NEO1: variants seen among roughly 807,000 people sequenced by gnomAD.
The protein encoded by NEO1 is neogenin.
A neutral mutation model predicts 159.7 loss-of-function variants in NEO1; 63 were observed. That is an observed-to-expected ratio of 0.39 (90% CI 0.32 to 0.49). The LOEUF is 0.49. Among genes scored for constraint, NEO1 ranks in the 20% least tolerant of loss-of-function variants. The pLI is 0.85. For synonymous variants in NEO1, 633 were observed against 662.0 expected, an observed-to-expected ratio of 0.96 and a Z score of 0.67; for missense variants, 1,615 against 1,831.0, an observed-to-expected ratio of 0.88 and a Z score of 2.15.
At chr15:73,235,425 G>A (rs2039117912) in intron 7 of NEO1, among the ~76,000 whole-genome samples, 1 of 152,162 alleles carries the variant, frequency 6.6e-6, no homozygotes, top group Non-Finnish European at 1.5e-5. Flanking sequence ...TTTTTCATCA[G>A]TAGCATGGGC....
chr15:73,294,019 C>T (rs1162671656), intron 26 of NEO1, among the ~76,000 whole-genome samples: 3 of 152,164 alleles, frequency 2.0e-5, no homozygotes, highest in Non-Finnish European at 4.4e-5. Context: ...GCAGTGGGGC[C>T]ACCAGCCACG....
chr15:73,290,570 T>A (rs2042127686), intron 25 of NEO1, among the ~76,000 whole-genome samples: 1 of 152,242 alleles, frequency 6.6e-6, no homozygotes, highest in Admixed American at 6.5e-5. Flanking sequence ...TCATTCTTGA[T>A]TCGTGCCTCA....
At chr15:73,178,656 A>G (rs1014264929) in intron 7 of NEO1, among the ~76,000 whole-genome samples, 1 of 152,246 alleles carries the variant, frequency 6.6e-6, no homozygotes, top group Admixed American at 6.5e-5. Flanking sequence ...AAAACTGAAT[A>G]TTATAGTCTT....
At chr15:73,057,345 T>C (rs1254216601) in intron 1 of NEO1, among the ~76,000 whole-genome samples, 2 of 152,172 alleles carry the variant, frequency 1.3e-5, no homozygotes, top group Non-Finnish European at 2.9e-5. Flanking sequence ...TAAATCTCAT[T>C]ATATGGAGGC....
chr15:73,291,976 A>G (rs1247040343), intron 25 of NEO1, among the ~76,000 whole-genome samples: 4 of 152,120 alleles, frequency 2.6e-5, no homozygotes, highest in Non-Finnish European at 5.9e-5. Flanking sequence ...CTTCCCCTAG[A>G]GTTGCTGACT....
At chr15:73,227,823 A>G (rs2038677648) in intron 7 of NEO1, among the ~76,000 whole-genome samples, 1 of 152,224 alleles carries the variant, frequency 6.6e-6, no homozygotes, top group Non-Finnish European at 1.5e-5. Flanking sequence ...TAAGTAACCA[A>G]GCAAATCAAG....
At chr15:73,165,091 CA>C (rs2034477462) in intron 5 of NEO1, among the ~76,000 whole-genome samples, 2 of 138,954 alleles carry the variant, frequency 1.4e-5, no homozygotes, top group African/African-American at 5.1e-5. Flanking sequence ...CATGCCTGGC[CA>C]ATTTTTTTTT....
intron 26 of NEO1, among the ~76,000 whole-genome samples, chr15:73,298,075 T>A (rs1016757495): frequency 6.6e-6 from 1 of 152,226 alleles, no homozygotes; most frequent in African/African-American, 2.4e-5. Flanking sequence ...CCTTTACAAG[T>A]GCTTCATAAT....
rs1024755991 is a variant in NEO1, at chr15:73,257,427, T to C, written c.2093-1339T>C. Among the ~76,000 whole-genome samples the C allele has an allele frequency of 3.3e-5, 5 of 152,312 alleles. No individual in the cohort carries two copies. The South Asian group carries it at 6.2e-4, about 19-fold the overall frequency. ...ATCATATCTGGATTTATTCATTTAA[T>C]AGATTTCATTGAACTTTTGTTGGCA... On this transcript the variant is annotated intron_variant, in intron 13 of 28. Coordinates refer to ENST00000261908, the MANE Select transcript of NEO1 (RefSeq NM_002499.4).
rs115233830 is a variant in NEO1 at position 73,212,026 on chromosome 15, C to T, written c.1292-24321C>T. Among the ~76,000 whole-genome samples the T allele has an allele frequency of 8.6e-3, 1,305 of 152,212 alleles. 23 individuals are homozygous for T. Among genetic ancestry groups the T allele is most frequent in the African/African-American group, 0.03 (1,233 of 41,530 alleles). On this transcript the variant is annotated intron_variant, in intron 7 of 28. Transcript: ENST00000261908. The stretch of plus-strand genomic sequence containing the variant: ...GGAGGAATACCACAGAAGTGATGTA[C>T]CCTTTTCAATACATTCGTATCGGGG...
At chr15:73,051,703 A>T (rs537571075), upstream of NEO1, 1 of 151,570 alleles carries the variant, frequency 6.6e-6, no homozygotes, top group South Asian at 2.1e-4. Flanking sequence ...CCGGCTTGGG[A>T]GCCGGAGGTC....
At position 73,252,049 on chromosome 15, in the gene NEO1, C is replaced by G. The variant is rs183736211; in HGVS notation, c.1895-1351C>G. Among the ~76,000 whole-genome samples the G allele has an allele frequency of 4.2e-3, 641 of 152,246 alleles. 2 individuals carry two copies. Among genetic ancestry groups the G allele is most frequent in the Non-Finnish European group, 3.6e-3 (243 of 68,012 alleles). On this transcript the variant is annotated intron_variant, in intron 11 of 28. Transcript: ENST00000261908. ...ACTGGAATCATTAATGTAATTTTTT[C>G]AAAACACATGTGCCTGGGTCCTACT...
intron 2 of NEO1, among the ~76,000 whole-genome samples, chr15:73,118,232 A>G (rs2071433467): frequency 6.6e-6 from 1 of 151,766 alleles, no homozygotes; most frequent in Admixed American, 6.6e-5. Flanking sequence ...ACAGCCTTAT[A>G]AGCATCTGCC....
chr15:73,301,307 C>T lies in NEO1; in HGVS notation c.4166-14C>T. On this transcript the variant is annotated splice_polypyrimidine_tract_variant and intron_variant, in intron 27 of 28. Coordinates refer to ENST00000261908, the MANE Select transcript of NEO1 (RefSeq NM_002499.4). ...AGGCTTGGCCACATATCTGATGGTG[C>T]CCTTTCCCCTCAGCTCTGAACCATC... is the stretch of plus-strand genomic sequence containing the variant. 6.2e-7 allele frequency: 1 copy of T among 1,614,084 alleles called. No individual in the cohort carries two copies. The highest frequency in any genetic ancestry group is 8.5e-7 in the Non-Finnish European group (1 of 1,179,986).
intron 5 of NEO1, among the ~76,000 whole-genome samples, chr15:73,161,316 A>T (rs2034161251): frequency 6.6e-6 from 1 of 152,150 alleles, no homozygotes; most frequent in African/African-American, 2.4e-5. Context: ...ATTCTTTCCA[A>T]GTGATTACAG....
chr15:73,114,125 G>A (rs2071158589), intron 1 of NEO1, among the ~76,000 whole-genome samples: 1 of 152,174 alleles, frequency 6.6e-6, no homozygotes, highest in Non-Finnish European at 1.5e-5. Flanking sequence ...TGGGCACCTG[G>A]GACAGACAGC....
chr15:73,124,022 G>A (rs1040991141), intron 3 of NEO1, among the ~76,000 whole-genome samples: 4 of 152,050 alleles, frequency 2.6e-5, no homozygotes, highest in African/African-American at 7.2e-5. Flanking sequence ...TAAAGTGTGC[G>A]TTTGTGCGTG....
At chr15:73,291,808 A>T (rs1428093942) in intron 25 of NEO1, among the ~76,000 whole-genome samples, 1 of 152,178 alleles carries the variant, frequency 6.6e-6, no homozygotes, top group Non-Finnish European at 1.5e-5. Context: ...GAAATGCCTT[A>T]TAAAAGGGAA....
intron 7 of NEO1, among the ~76,000 whole-genome samples, chr15:73,218,411 G>T (rs1472003552): frequency 2.0e-5 from 3 of 151,900 alleles, no homozygotes; most frequent in Non-Finnish European, 4.4e-5. Flanking sequence ...TCTCTGCCCA[G>T]CTTTGGTATC....
Sources: gnomAD v4.1 joint callset for allele counts (sites outside exome capture counted in the v4.1 genomes callset) on GRCh38, gnomAD v4.1.1 for gene constraint, MANE v1.5 for transcripts, NCBI Gene and HGNC (gene_info 2026-07-23, HGNC 2026-07-21) for gene names.